DNAI7: variants seen among roughly 807,000 people sequenced by gnomAD.
The protein encoded by DNAI7 is dynein axonemal intermediate chain 7.
Under a neutral mutation model 86.6 loss-of-function variants are expected in DNAI7, and 78 were observed. The ratio of observed to expected loss-of-function variants is 0.90; its 90% CI spans 0.75 to 1.09. DNAI7 has a LOEUF of 1.09. DNAI7 is among the 50% of genes least tolerant of loss of function. DNAI7 has a pLI of 0.00. For synonymous variants in DNAI7, 274 were observed against 273.0 expected (o/e 1.00, Z -0.04); for missense variants, 753 against 810.2 (o/e 0.93, Z 0.86).
intron 14 of DNAI7, among the ~76,000 whole-genome samples, chr12:25,110,747 G>A (rs184488455): frequency 2.1e-4 from 32 of 152,028 alleles, no homozygotes; most frequent in African/African-American, 3.9e-4. Context: ...TCACTATTCC[G>A]GATCTACCTT....
At chr12:25,122,140 A>G (rs1490538504) in intron 10 of DNAI7, among the ~76,000 whole-genome samples, 1 of 152,156 alleles carries the variant, frequency 6.6e-6, no homozygotes, top group Non-Finnish European at 1.5e-5. Context: ...TATTTCATCT[A>G]TGAAACCATA....
intron 9 of DNAI7, among the ~76,000 whole-genome samples, chr12:25,124,481 A>G (rs2140499326): frequency 6.6e-6 from 1 of 152,016 alleles, no homozygotes; most frequent in Admixed American, 6.5e-5. Flanking sequence ...AAATGGGTAT[A>G]TTTTTGTAAG....
intron 9 of DNAI7, among the ~76,000 whole-genome samples, chr12:25,126,798 A>T (rs1194284921): frequency 6.6e-6 from 1 of 152,210 alleles, no homozygotes; most frequent in Admixed American, 6.5e-5. Flanking sequence ...TATGATCAAT[A>T]AAAATACCAA....
chr12:25,164,902 G>A (rs548034053), intron 2 of DNAI7, among the ~76,000 whole-genome samples: 54 of 728 alleles, frequency 0.074, no homozygotes, highest in Non-Finnish European at 0.4. Context: ...CACCCGGTCC[G>A]GCTTAGTTTC....
chr12:25,123,137 A>G (rs1303954185), intron 10 of DNAI7, 74 bp downstream of exon 10: 1 of 995,232 alleles, frequency 1.0e-6, no homozygotes, highest in East Asian at 2.9e-5. Flanking sequence ...AATTTTTTTA[A>G]CAATGATCCT....
Position 25,174,570 on chromosome 12 carries a change from T to TCATATATAA in DNAI7, c.22-13374_22-13373insTTATATATG, listed in dbSNP as rs1948692219. On this transcript the variant is annotated intron_variant, in intron 2 of 15. Transcript: ENST00000395987. ...ATATATGATATATATATCATATATA[T>TCATATATAA]GGGATATATATCATATATATGGGAT... Among the ~76,000 whole-genome samples the TCATATATAA allele has an allele frequency of 4.0e-4, 18 of 44,816 alleles. 4 individuals are homozygous for TCATATATAA. The highest frequency in any genetic ancestry group is 6.9e-4 in the South Asian group (1 of 1,446). The allele number at this position is 44,816 out of a possible 152,430, so 29.4% of individuals were successfully genotyped here. A position where few individuals can be genotyped will look rare whatever the true frequency, so the allele number is the denominator to read the frequency against.
chr12:25,164,341 C>T (rs1947184561), intron 2 of DNAI7, among the ~76,000 whole-genome samples: 1 of 151,810 alleles, frequency 6.6e-6, no homozygotes, highest in South Asian at 2.1e-4. Flanking sequence ...GCAAGAACCC[C>T]CCACCCCTTC....
chr12:25,107,199 C>T, downstream of DNAI7: 1 of 438,206 alleles, frequency 2.3e-6, no homozygotes, highest in Non-Finnish European at 4.2e-6. Flanking sequence ...GTCAGGTTAT[C>T]CTTGAACCTA....
intron 9 of DNAI7, among the ~76,000 whole-genome samples, chr12:25,131,164 C>CTA (rs1491172574): frequency 0.023 from 261 of 11,110 alleles, 2 homozygotes; most frequent in African/African-American, 0.03. Context: ...TTACCCCCAA[C>CTA]CAAAAAAAAA....
At chr12:25,182,561 A>G (rs1949620115) in intron 2 of DNAI7, among the ~76,000 whole-genome samples, 1 of 149,974 alleles carries the variant, frequency 6.7e-6, no homozygotes, top group African/African-American at 2.5e-5. Context: ...GTGAGCTGTG[A>G]TCGTGCCACA....
In DNAI7 at chr12:25,110,164, C is replaced by T; in HGVS notation, c.1856G>A (p.Trp619Ter). The T allele has an allele frequency of 6.2e-7, 1 of 1,610,724 alleles. No homozygotes were observed. The highest frequency in any genetic ancestry group is 1.1e-5 in the South Asian group (1 of 91,026). The change falls in exon 15 of 16, where the codon TGG becomes TAG. Residue 619 changes from tryptophan to a stop codon, truncating the protein, a stop_gained. Coordinates refer to ENST00000395987, the MANE Select transcript of DNAI7 (RefSeq NM_018272.5). LOFTEE classifies it low-confidence loss of function (END_TRUNC). The part of the protein sequence containing the change: ...SSAFAFGWSK[W>*]NLLCNSTKVV... ...TTTTGTAGAATTACATAGTAGGTTC[C>T]ACTTGCTCCAACCAAATGCAAAAGC...
At chr12:25,157,976 T>C (rs1451253934) in intron 4 of DNAI7, among the ~76,000 whole-genome samples, 1 of 152,090 alleles carries the variant, frequency 6.6e-6, no homozygotes, top group Admixed American at 6.5e-5. Flanking sequence ...ACGCCTGTAA[T>C]CCCAGCCCTT....
chr12:25,191,588 C>T (rs1018393569), intron 1 of DNAI7, among the ~76,000 whole-genome samples: 2 of 152,108 alleles, frequency 1.3e-5, no homozygotes, highest in African/African-American at 4.8e-5. Flanking sequence ...TCTGTAGTCC[C>T]AGCTACTTGG....
intron 13 of DNAI7, among the ~76,000 whole-genome samples, chr12:25,114,246 T>C (rs1156589850): frequency 4.6e-5 from 7 of 152,140 alleles, no homozygotes; most frequent in South Asian, 2.1e-4. Context: ...GCCCAGGCTA[T>C]GTAATTTCTG....
At chr12:25,129,436 A>T (rs1241005649) in intron 9 of DNAI7, among the ~76,000 whole-genome samples, 1 of 152,218 alleles carries the variant, frequency 6.6e-6, no homozygotes, top group African/African-American at 2.4e-5. Context: ...GGAAATGAGA[A>T]CAACTCCCAG....
At chr12:25,156,258 G>A (rs1342846231) in intron 4 of DNAI7, among the ~76,000 whole-genome samples, 1 of 152,166 alleles carries the variant, frequency 6.6e-6, no homozygotes, top group African/African-American at 2.4e-5. Context: ...TGACAATACT[G>A]TCTTGAGAAA....
At chr12:25,153,705 T>C (rs1449239401) in intron 6 of DNAI7, among the ~76,000 whole-genome samples, 1 of 152,216 alleles carries the variant, frequency 6.6e-6, no homozygotes, top group Non-Finnish European at 1.5e-5. Context: ...TATGAAGCCA[T>C]GGCTTCAAGA....
chr12:25,170,674 C>T (rs1948043199), intron 2 of DNAI7, among the ~76,000 whole-genome samples: 1 of 152,170 alleles, frequency 6.6e-6, no homozygotes, highest in Non-Finnish European at 1.5e-5. Flanking sequence ...CTGCAGAATA[C>T]ACATTCTATT....
At chr12:25,114,234 C>T (rs1218546924) in intron 13 of DNAI7, among the ~76,000 whole-genome samples, 1 of 152,100 alleles carries the variant, frequency 6.6e-6, no homozygotes, top group African/African-American at 2.4e-5. Flanking sequence ...CCACTGCGCT[C>T]GGCCCAGGCT....
Sources: allele counts gnomAD v4.1 joint callset (sites outside exome capture counted in the v4.1 genomes callset), GRCh38; gene constraint gnomAD v4.1.1; transcripts MANE v1.5; gene names NCBI Gene and HGNC (gene_info 2026-07-23, HGNC 2026-07-21).